The following BAHD1 variants were observed in gnomAD, a reference collection of about 807,000 sequenced individuals.
BAHD1 encodes the protein bromo adjacent homology domain-containing 1 protein.
A neutral mutation model predicts 63.1 loss-of-function variants in BAHD1; 20 were observed. The observed-to-expected ratio is 0.32, with a 90% CI of 0.22 to 0.46. The LOEUF (loss-of-function observed/expected upper bound fraction) is 0.46. Ranked by LOEUF, BAHD1 falls within the 20% of genes least tolerant of loss-of-function variation. BAHD1 has a pLI of 1.00. For missense variants in BAHD1, 939 were observed against 1,071.8 expected, an observed-to-expected ratio of 0.88 and a Z score of 1.73; for synonymous variants, 408 against 426.8, an observed-to-expected ratio of 0.96 and a Z score of 0.54.
intron 6 of BAHD1, 54 bp from the exon 7 acceptor site, chr15:40,465,887 G>A: frequency 6.6e-7 from 1 of 1,511,862 alleles, no homozygotes; most frequent in East Asian, 2.3e-5. Flanking sequence ...GGAAGGAATT[G>A]GTCTTCCTGC....
upstream of BAHD1, among the ~76,000 whole-genome samples, chr15:40,437,842 G>C (rs964514528): frequency 1.3e-5 from 2 of 152,212 alleles, no homozygotes; most frequent in South Asian, 2.1e-4. Flanking sequence ...TGACCGAGCA[G>C]CCAGTCTGTC....
chr15:40,464,163 G>A (rs1894135509), intron 4 of BAHD1, 143 bp downstream of exon 4: 2 of 1,024,244 alleles, frequency 2.0e-6, no homozygotes, highest in Admixed American at 5.2e-5. Context: ...CTCGGCTGGG[G>A]TCTCTCTGCT....
chr15:40,449,769 A>G (rs1392159476), intron 1 of BAHD1, among the ~76,000 whole-genome samples: 2 of 150,910 alleles, frequency 1.3e-5, no homozygotes, highest in Non-Finnish European at 3.0e-5. Context: ...TAATTGTGCC[A>G]CTGCCCTACT....
At chr15:40,439,513 C>T (rs2141454431), upstream of BAHD1, among the ~76,000 whole-genome samples, 1 of 152,336 alleles carries the variant, frequency 6.6e-6, no homozygotes, top group Admixed American at 6.5e-5. Flanking sequence ...CACTCCAAGG[C>T]TGGGTTTTCC....
Position 40,459,775 on chromosome 15 carries a change from C to T in BAHD1, c.1311C>T (p.Arg437=). ...AGCACCCTCCCTGGGGCTCCTCTCG[C>T]TACTGCTCTAGCGAGGACACTGGAG... ...PFQHPPWGSS[R]YCSSEDTGVN... Residue 437 remains arginine (R), a synonymous_variant, in exon 2 of 7, where the codon CGC becomes CGT. Transcript: ENST00000416165. 6.2e-7 allele frequency: 1 copy of T among 1,613,948 alleles called. No homozygotes were observed. Among genetic ancestry groups the T allele is most frequent in the Non-Finnish European group, 8.5e-7 (1 of 1,180,036 alleles).
At chr15:40,447,890 C>T (rs1386721005) in intron 1 of BAHD1, among the ~76,000 whole-genome samples, 2 of 152,136 alleles carry the variant, frequency 1.3e-5, no homozygotes, top group South Asian at 2.1e-4. Flanking sequence ...CTTTGAAGCT[C>T]TCTCATTTAT....
At chr15:40,453,074 C>T (rs1048577212) in intron 1 of BAHD1, among the ~76,000 whole-genome samples, 4 of 152,204 alleles carry the variant, frequency 2.6e-5, no homozygotes, top group African/African-American at 4.8e-5. Flanking sequence ...GGCCAGCTGC[C>T]CTCCTCTGTC....
chr15:40,445,811 T>C (rs574019726), intron 1 of BAHD1, among the ~76,000 whole-genome samples: 1 of 152,314 alleles, frequency 6.6e-6, no homozygotes, highest in Admixed American at 6.5e-5. Context: ...CTGGCAAGGC[T>C]CACTTCCTTT....
intron 1 of BAHD1, chr15:40,443,362 C>T (rs1172753677): frequency 2.4e-5 from 23 of 956,784 alleles, no homozygotes; most frequent in Non-Finnish European, 2.9e-5. Context: ...AAAGTTTGTT[C>T]TGAGATAATT....
chr15:40,450,370 T>C (rs1485020779), intron 1 of BAHD1, among the ~76,000 whole-genome samples: 2 of 152,190 alleles, frequency 1.3e-5, no homozygotes, highest in Non-Finnish European at 2.9e-5. Context: ...CTGGCTAGTT[T>C]CTGTTCAGGA....
intron 1 of BAHD1, among the ~76,000 whole-genome samples, chr15:40,446,917 G>A (rs537278895): frequency 6.6e-6 from 1 of 152,310 alleles, no homozygotes; most frequent in African/African-American, 2.4e-5. Context: ...GCCTCCATCA[G>A]TGCAGCTTTT....
chr15:40,458,375 A>G lies in BAHD1; in HGVS notation c.-14-76A>G. On this transcript the variant is annotated intron_variant, in intron 1 of 6. Coordinates refer to ENST00000416165, the MANE Select transcript of BAHD1 (RefSeq NM_014952.5). This position sits in a 1 kb window ranked among gnomAD's most constrained non-coding sequence, Gnocchi z 4.7. ...AGGATCACTGCACCTGGGGCTGGGT[A>G]GGCTGCAGTGGGAGAGAAAGCAGGC... 6.7e-7 allele frequency: 1 copy of G among 1,499,042 alleles called. No homozygotes were observed. The highest frequency in any genetic ancestry group is 8.9e-7 in the Non-Finnish European group (1 of 1,124,860). 92.9% of individuals were successfully genotyped at this position (1,499,042 alleles called of 1,614,324 possible).
At position 40,459,639 on chromosome 15, in the gene BAHD1, G is replaced by A. The variant is rs371861712; in HGVS notation, c.1175G>A (p.Gly392Asp). 3 of 1,614,148 alleles carry A rather than the reference G, an allele frequency of 1.9e-6. No individual in the cohort carries two copies. The South Asian group carries it at 3.3e-5, about 18-fold the overall frequency. ...YCGQEGLQCG[G>D]YSPCPMLPEG... ...GGCCAAGAGGGGCTGCAGTGTGGGG[G>A]CTACTCGCCCTGCCCCATGCTTCCT... The change falls in exon 2 of 7, where the codon GGC becomes GAC. Residue 392 changes from glycine (G) to aspartate (D), a missense_variant. By Grantham distance (94) the Gly-to-Asp change is moderately conservative. Around this residue, in one of 5 missense-constraint regions of BAHD1, gnomAD observed 797 missense variants for 813.3 expected, o/e 0.98. Coordinates refer to ENST00000416165, the MANE Select transcript of BAHD1 (RefSeq NM_014952.5).
chr15:40,465,488 C>T, intron 6 of BAHD1, 53 bp downstream of exon 6: 1 of 1,384,838 alleles, frequency 7.2e-7, no homozygotes, highest in Non-Finnish European at 1.0e-6. Context: ...GCTCCCCAGG[C>T]ATATTTGGGG....
chr15:40,437,742 G>A (rs930653674), upstream of BAHD1, among the ~76,000 whole-genome samples: 2 of 152,226 alleles, frequency 1.3e-5, no homozygotes, highest in African/African-American at 4.8e-5. Context: ...GGGGTGCCCT[G>A]CCTGGTGCCA....
chr15:40,441,918 G>T lies in BAHD1; in HGVS notation c.-15+650G>T, dbSNP rs376056644. 2.5e-4 allele frequency among the ~76,000 whole-genome samples: 38 copies of T among 152,010 alleles called. No individual in the cohort carries two copies. The South Asian group carries it at 3.3e-3, about 13-fold the overall frequency. On this transcript the variant is annotated intron_variant, in intron 1 of 6. Coordinates refer to ENST00000416165, the MANE Select transcript of BAHD1 (RefSeq NM_014952.5). ...GAGTAGTGTAGACCCGACTCGATCG[G>T]GCTGAGAGGAAGGGAGGCGCCGAAG...
chr15:40,440,480 G>T (rs1046613667), upstream of BAHD1, among the ~76,000 whole-genome samples: 2 of 151,692 alleles, frequency 1.3e-5, no homozygotes, highest in Non-Finnish European at 2.9e-5. Flanking sequence ...GGTGTTCCTC[G>T]GCCCGCAGTT....
At chr15:40,462,796 G>C (rs1054322898) in intron 3 of BAHD1, among the ~76,000 whole-genome samples, 3 of 151,952 alleles carry the variant, frequency 2.0e-5, no homozygotes, top group Non-Finnish European at 4.4e-5. Flanking sequence ...AGTTCAAGAC[G>C]AGCCTGAGCA....
intron 1 of BAHD1, among the ~76,000 whole-genome samples, chr15:40,452,556 C>A (rs991776781): frequency 3.3e-5 from 5 of 150,286 alleles, no homozygotes; most frequent in Non-Finnish European, 7.4e-5. Context: ...TTGTGGCCCA[C>A]AACTGAGGGC....
Sources: allele counts gnomAD v4.1 joint callset (sites outside exome capture counted in the v4.1 genomes callset), GRCh38; gene constraint gnomAD v4.1.1; regional missense constraint gnomAD v4.1.1; non-coding constraint Gnocchi (gnomAD v3.1); transcripts MANE v1.5; gene names NCBI Gene and HGNC (gene_info 2026-07-23, HGNC 2026-07-21).